The following CSNK2A2IP variants were observed in gnomAD, a reference collection of about 807,000 sequenced individuals.
The protein encoded by CSNK2A2IP is casein kinase 2 subunit alpha' interacting protein, also known as casein kinase II subunit alpha'-interacting protein.
At chr3:88,414,999 A>G in the CSNK2A2IP span, among the ~76,000 whole-genome samples, 1 of 151,932 alleles carries the variant, frequency 6.6e-6, no homozygotes, top group African/African-American at 2.4e-5. Flanking sequence ...AAACTTTAGT[A>G]TGACAGTAAT....
chr3:88,369,566 A>G, the CSNK2A2IP span, among the ~76,000 whole-genome samples: 1 of 151,876 alleles, frequency 6.6e-6, no homozygotes, highest in African/African-American at 2.4e-5. Context: ...ATTGCTGAAT[A>G]CCTAAGGGAA....
the CSNK2A2IP span, among the ~76,000 whole-genome samples, chr3:88,379,184 G>A: frequency 1.3e-5 from 2 of 151,900 alleles, no homozygotes; most frequent in Non-Finnish European, 2.9e-5. Flanking sequence ...ATTCACCATA[G>A]CTCTAATCAG....
the CSNK2A2IP span, among the ~76,000 whole-genome samples, chr3:88,404,555 T>C: frequency 6.6e-6 from 1 of 152,154 alleles, no homozygotes; most frequent in East Asian, 1.9e-4. Context: ...CAACCTTCCC[T>C]CTTTAAGCCT....
the CSNK2A2IP span, among the ~76,000 whole-genome samples, chr3:88,463,253 G>GTTTTTTT: frequency 2.2e-3 from 315 of 144,006 alleles, 1 homozygote; most frequent in African/African-American, 7.4e-3. Context: ...GATCACTTTA[G>GTTTTTTT]TTTTTTTTTT....
the CSNK2A2IP span, among the ~76,000 whole-genome samples, chr3:88,421,073 G>T: frequency 6.6e-6 from 1 of 152,070 alleles, no homozygotes. Flanking sequence ...TCCCGTCTCC[G>T]AAGAGAGATG....
the CSNK2A2IP span, among the ~76,000 whole-genome samples, chr3:88,450,653 T>C: frequency 5.9e-5 from 9 of 152,244 alleles, no homozygotes; most frequent in East Asian, 1.5e-3. Context: ...TATTATGTTG[T>C]GTATATATAG....
At chr3:88,350,585 A>G in the CSNK2A2IP span, among the ~76,000 whole-genome samples, 2 of 105,502 alleles carry the variant, frequency 1.9e-5, no homozygotes, top group African/African-American at 3.0e-5. Flanking sequence ...CAAATACACT[A>G]AATTCAAAGA....
the CSNK2A2IP span, among the ~76,000 whole-genome samples, chr3:88,368,382 C>T: frequency 2.0e-5 from 3 of 151,890 alleles, no homozygotes; most frequent in African/African-American, 4.8e-5. Context: ...AGAGAGTGAT[C>T]GAGAGACTAT....
At chr3:88,394,820 T>C in the CSNK2A2IP span, among the ~76,000 whole-genome samples, 1 of 152,240 alleles carries the variant, frequency 6.6e-6, no homozygotes, top group Non-Finnish European at 1.5e-5. Flanking sequence ...TTGTTGTTTA[T>C]ATATTCTGGA....
At chr3:88,444,789 AT>A in the CSNK2A2IP span, among the ~76,000 whole-genome samples, 2 of 152,186 alleles carry the variant, frequency 1.3e-5, no homozygotes, top group Non-Finnish European at 2.9e-5. Context: ...TACGTTCTTG[AT>A]TTTATATAAG....
the CSNK2A2IP span, among the ~76,000 whole-genome samples, chr3:88,410,370 A>G: frequency 2.0e-5 from 3 of 152,012 alleles, no homozygotes; most frequent in Admixed American, 6.5e-5. Flanking sequence ...ACCTGCATTC[A>G]TGCTTGAGAT....
the CSNK2A2IP span, among the ~76,000 whole-genome samples, chr3:88,452,384 C>A: frequency 1.1e-4 from 17 of 152,172 alleles, no homozygotes; most frequent in African/African-American, 3.6e-4. Flanking sequence ...TTAAACAAAT[C>A]CAATATGTGG....
At chr3:88,422,850 T>C in the CSNK2A2IP span, among the ~76,000 whole-genome samples, 1 of 152,252 alleles carries the variant, frequency 6.6e-6, no homozygotes, top group African/African-American at 2.4e-5. Flanking sequence ...TTTAATCTTA[T>C]TTTCTCAGTT....
the CSNK2A2IP span, among the ~76,000 whole-genome samples, chr3:88,436,559 A>G: frequency 6.6e-6 from 1 of 152,306 alleles, no homozygotes; most frequent in South Asian, 2.1e-4. Context: ...AACAAAATCT[A>G]AATTTAATTA....
At chr3:88,350,359 C>T in the CSNK2A2IP span, among the ~76,000 whole-genome samples, 16 of 151,956 alleles carry the variant, frequency 1.1e-4, no homozygotes, top group Non-Finnish European at 2.1e-4. Flanking sequence ...ACTTAATCTC[C>T]TTGTGAAGGA....
chr3:88,458,187 G>C, the CSNK2A2IP span, among the ~76,000 whole-genome samples: 1 of 104,630 alleles, frequency 9.6e-6, no homozygotes, highest in Non-Finnish European at 1.7e-5. Flanking sequence ...GTCTTGCTCT[G>C]TCACCCAGGC....
chr3:88,378,330 C>A, the CSNK2A2IP span, among the ~76,000 whole-genome samples: 1 of 151,812 alleles, frequency 6.6e-6, no homozygotes, highest in African/African-American at 2.4e-5. Flanking sequence ...ATAGCATGAA[C>A]TGAACTTCTG....
chr3:88,466,539 T>C, the CSNK2A2IP span: 1 of 1,231,734 alleles, frequency 8.1e-7, no homozygotes, highest in Non-Finnish European at 1.0e-6. Context: ...GACTCCAGAG[T>C]AAAAGCAGCT....
chr3:88,396,245 A>G, the CSNK2A2IP span, among the ~76,000 whole-genome samples: 1 of 151,280 alleles, frequency 6.6e-6, no homozygotes, highest in Non-Finnish European at 1.5e-5. Flanking sequence ...AGCTGGGACT[A>G]CAGGCGCCCG....
Sources: allele counts gnomAD v4.1 joint callset (sites outside exome capture counted in the v4.1 genomes callset), GRCh38; gene constraint gnomAD v4.1.1; transcripts MANE v1.5; gene names NCBI Gene and HGNC (gene_info 2026-07-23, HGNC 2026-07-21).